Variants in TOGARAM2 observed in about 807,000 individuals in gnomAD.
The protein encoded by TOGARAM2 is TOG array regulator of axonemal microtubules 2.
A neutral mutation model predicts 93.3 loss-of-function variants in TOGARAM2; 85 were observed. The observed-to-expected ratio is 0.91, with a 90% CI of 0.76 to 1.09. The LOEUF (loss-of-function observed/expected upper bound fraction) is 1.09. Ranked by LOEUF, TOGARAM2 falls within the 50% of genes least tolerant of loss-of-function variation. TOGARAM2 has a pLI of 0.00. For missense variants in TOGARAM2, 1,277 were observed against 1,334.5 expected (o/e 0.96, Z 0.67); for synonymous variants, 593 against 552.8 (o/e 1.07, Z -1.02).
Position 29,017,263 on chromosome 2 carries a change from C to G in TOGARAM2, c.1154C>G (p.Thr385Ser). 4 of 1,613,028 alleles carry G rather than the reference C, an allele frequency of 2.5e-6. No individual in the cohort carries two copies. Among genetic ancestry groups the G allele is most frequent in the Non-Finnish European group, 3.4e-6 (4 of 1,179,492 alleles). Reference sequence around the variant, plus strand: ...GAGCCCAGGACAGGGCAGGAGCTCACTTCCCAGTGCCTGGGCTCCCAGAGA... The same window carrying G: ...GAGCCCAGGACAGGGCAGGAGCTCAGTTCCCAGTGCCTGGGCTCCCAGAGA... ...LEEPRTGQEL[T>S]SQCLGSQRAF... The change falls in exon 9 of 20, where the codon ACT becomes AGT. Residue 385 changes from threonine (T) to serine (S), a missense_variant. Transcript: ENST00000379558.
chr2:28,990,888 G>A (rs1446987), intron 1 of TOGARAM2, among the ~76,000 whole-genome samples: 57,750 of 151,476 alleles, frequency 0.38, 13,461 homozygotes, highest in Non-Finnish European at 0.53. Context: ...CATGAGAGGC[G>A]TCTCTGTCAC....
chr2:29,013,214 A>C (rs1664355302), intron 7 of TOGARAM2, among the ~76,000 whole-genome samples: 1 of 152,236 alleles, frequency 6.6e-6, no homozygotes, highest in South Asian at 2.1e-4. Flanking sequence ...CTGATGGGGA[A>C]GATATGAATG....
rs13003640 is a variant in TOGARAM2, at chr2:28,998,242, C to T, written c.128C>T (p.Pro43Leu). The T allele has an allele frequency of 6.2e-7, 1 of 1,610,888 alleles. No individual in the cohort carries two copies. Among genetic ancestry groups the T allele is most frequent in the Non-Finnish European group, 8.5e-7 (1 of 1,178,632 alleles). Reference sequence around the variant, plus strand: ...CCTGGAAGCATCAACTCCAGTCTGCCTCATGGAGAAGGTGAGATGGGAAGA... The same window carrying T: ...CCTGGAAGCATCAACTCCAGTCTGCTTCATGGAGAAGGTGAGATGGGAAGA... ...LPPGSINSSL[P>L]HGEGSLQPEP... Residue 43 changes from proline to leucine, a missense_variant, in exon 3 of 20, where the codon CCT becomes CTT. Pro to Leu is a moderately conservative substitution (Grantham distance 98). Coordinates refer to ENST00000379558, the MANE Select transcript of TOGARAM2 (RefSeq NM_199280.4).
chr2:28,973,511 C>T (rs1460144134), intron 1 of TOGARAM2, among the ~76,000 whole-genome samples: 1 of 138,158 alleles, frequency 7.2e-6, no homozygotes, highest in African/African-American at 2.6e-5. Context: ...TCCCTCCTTC[C>T]CTCCTTCCTG....
intron 18 of TOGARAM2, among the ~76,000 whole-genome samples, chr2:29,044,677 G>A (rs749000812): frequency 1.3e-5 from 2 of 151,968 alleles, no homozygotes; most frequent in Non-Finnish European, 2.9e-5. Flanking sequence ...AGGGGGATGG[G>A]AGTACTGGGT....
rs756586383 is a variant in TOGARAM2 at position 28,966,026 on chromosome 2, A to AT, written c.-147+9342dup. ...CAGAAACAGAGGGCTCACTTAGCTT[A>AT]TTTTTTTTTTTTTGAGACAGAGTCT... On this transcript the variant is annotated intron_variant, in intron 1 of 6. Coordinates refer to the TOGARAM2 transcript ENST00000401723. Among the ~76,000 whole-genome samples, 580 of 144,124 alleles carry AT rather than the reference A, an allele frequency of 4.0e-3. 4 individuals carry two copies. Among genetic ancestry groups the AT allele is most frequent in the Middle Eastern group, 7.4e-3 (2 of 270 alleles). 94.6% of individuals were successfully genotyped at this position (144,124 alleles called of 152,430 possible).
intron 1 of TOGARAM2, among the ~76,000 whole-genome samples, chr2:28,964,234 A>G (rs1187205247): frequency 6.6e-6 from 1 of 152,168 alleles, no homozygotes; most frequent in Admixed American, 6.5e-5. Flanking sequence ...TTGTTATGGT[A>G]TATTCACATT....
intron 1 of TOGARAM2, among the ~76,000 whole-genome samples, chr2:28,982,767 C>A (rs1672262845): frequency 6.6e-6 from 1 of 152,118 alleles, no homozygotes; most frequent in Admixed American, 6.6e-5. Flanking sequence ...CAGAAGAATG[C>A]ATAAAATGCA....
chr2:28,973,174 C>T (rs547905497), intron 1 of TOGARAM2, among the ~76,000 whole-genome samples: 32 of 152,300 alleles, frequency 2.1e-4, no homozygotes, highest in African/African-American at 7.5e-4. Context: ...CAGATTTCAA[C>T]ACAGATTTGG....
chr2:29,047,497 G>A (rs1244435508), intron 19 of TOGARAM2: 1 of 152,206 alleles, frequency 6.6e-6, no homozygotes, highest in African/African-American at 2.4e-5. Flanking sequence ...ACACAGGCGA[G>A]GCCTAATAAT....
At chr2:29,004,663 T>G (rs1463609911) in intron 6 of TOGARAM2, among the ~76,000 whole-genome samples, 4 of 152,138 alleles carry the variant, frequency 2.6e-5, no homozygotes, top group Non-Finnish European at 4.4e-5. Context: ...TATGTGTGCA[T>G]GTATATGTGA....
At chr2:28,968,735 C>A (rs1258214759) in intron 1 of TOGARAM2, among the ~76,000 whole-genome samples, 1 of 146,084 alleles carries the variant, frequency 6.8e-6, no homozygotes, top group African/African-American at 2.6e-5. Flanking sequence ...AGGAGGATCA[C>A]TGAGCCCAGC....
At chr2:29,029,646 C>T (rs567297261) in intron 14 of TOGARAM2, among the ~76,000 whole-genome samples, 28 of 148,720 alleles carry the variant, frequency 1.9e-4, no homozygotes, top group Non-Finnish European at 3.1e-4. Flanking sequence ...GTCCCAGCTA[C>T]TCAGGAGGCT....
Position 29,051,839 on chromosome 2 carries a change from G to A in TOGARAM2, c.2806G>A (p.Ala936Thr), listed in dbSNP as rs752786793. The change falls in exon 20 of 20, where the codon GCC (alanine) becomes ACC (threonine). Residue 936 changes from alanine to threonine, a missense_variant. Coordinates refer to ENST00000379558, the MANE Select transcript of TOGARAM2 (RefSeq NM_199280.4). The stretch of plus-strand genomic sequence containing the variant: ...CATCCTCTGGCACTTCCTGAACACC[G>A]CCACCAGGAATGGCACCCTGCCTGG... ...LPILWHFLNT[A>T]TRNGTLPGPS... 1.0e-5 allele frequency: 16 copies of A among 1,566,374 alleles called. No individual in the cohort carries two copies. Among genetic ancestry groups the A allele is most frequent in the East Asian group, 2.4e-5 (1 of 41,698 alleles).
At chr2:29,017,715 G>C in intron 9 of TOGARAM2, 77 bp from the exon 10 acceptor site, 1 of 1,406,644 alleles carries the variant, frequency 7.1e-7, no homozygotes. Flanking sequence ...CCAGCCATGG[G>C]TCCATTTTCA....
At chr2:28,996,828 A>G (rs1673014784) in intron 2 of TOGARAM2, among the ~76,000 whole-genome samples, 1 of 146,844 alleles carries the variant, frequency 6.8e-6, no homozygotes, top group South Asian at 2.2e-4. Flanking sequence ...AAAAAAAGAT[A>G]ATGACCTCCA....
intron 1 of TOGARAM2, among the ~76,000 whole-genome samples, chr2:28,985,332 GT>G (rs10670919): frequency 2.7e-5 from 4 of 149,694 alleles, no homozygotes; most frequent in Admixed American, 2.0e-4. Flanking sequence ...AATTGCTGGG[GT>G]TTTTTTTTTG....
chr2:29,027,721 G>T lies in TOGARAM2; in HGVS notation c.2012+710G>T, dbSNP rs554575622. Among the ~76,000 whole-genome samples the T allele has an allele frequency of 4.6e-5, 7 of 152,246 alleles. No individual in the cohort carries two copies. In the South Asian group the frequency reaches 8.3e-4, roughly 18 times the overall value. On this transcript the variant is annotated intron_variant, in intron 14 of 19. Coordinates refer to ENST00000379558, the MANE Select transcript of TOGARAM2 (RefSeq NM_199280.4). ...TGCAATGCAATGGAGTTGGTGGGGG[G>T]GCTGCTTTAGACTGAGGGTTCAGAG...
At position 28,999,259 on chromosome 2, in the gene TOGARAM2, G is replaced by A; in HGVS notation, c.218G>A (p.Gly73Asp). The change falls in exon 4 of 20, where the codon GGT becomes GAT. Residue 73 changes from glycine (G) to aspartate (D), a missense_variant. Transcript: ENST00000379558. ...SQLLRGLGQL[G>D]GLKLDTPSKG... Reference sequence around the variant, plus strand: ...CTCCTGCGTGGACTCGGACAGCTGGGTGGCCTCAAGCTGGACACCCCTTCC... The same window carrying A: ...CTCCTGCGTGGACTCGGACAGCTGGATGGCCTCAAGCTGGACACCCCTTCC... 1 of 1,613,910 alleles carries A rather than the reference G, an allele frequency of 6.2e-7. No individual in the cohort carries two copies. Among genetic ancestry groups the A allele is most frequent in the African/African-American group, 1.3e-5 (1 of 75,048 alleles).
Sources: gnomAD v4.1 joint callset for allele counts (sites outside exome capture counted in the v4.1 genomes callset) on GRCh38, gnomAD v4.1.1 for gene constraint, MANE v1.5 for transcripts, NCBI Gene and HGNC (gene_info 2026-07-23, HGNC 2026-07-21) for gene names.